LRFN4: variants seen among roughly 807,000 people sequenced by gnomAD.
The protein encoded by LRFN4 is leucine rich repeat and fibronectin type III domain containing 4.
LRFN4 carries 10 observed loss-of-function variants against 29.0 expected under a neutral mutation model. That is an observed-to-expected ratio of 0.35 (90% confidence interval 0.21 to 0.59). LRFN4 has a LOEUF of 0.59. LRFN4 is among the 20% of genes least tolerant of loss of function. LRFN4 has a pLI of 0.82. For missense variants in LRFN4, 850 were observed against 907.9 expected (o/e 0.94, Z 0.82); for synonymous variants, 493 against 437.0 (o/e 1.13, Z -1.60).
chr11:66,859,870 C>T lies in LRFN4; in HGVS notation c.1583C>T (p.Ala528Val). Reference protein sequence around the residue: ...LTVAVGGVLVAALLVFTVALL... With the variant: ...LTVAVGGVLVVALLVFTVALL... The stretch of plus-strand genomic sequence containing the variant: ...GTGGCCGTGGGGGGTGTGCTGGTGG[C>T]TGCCTTACTGGTCTTCACTGTGGCC... The change falls in exon 2 of 2, where the codon GCT becomes GTT. Residue 528 changes from alanine to valine, a missense_variant. Ala to Val is a moderately conservative substitution (Grantham distance 64). Transcript: ENST00000309602. 1 of 1,563,704 alleles carries T rather than the reference C, an allele frequency of 6.4e-7. No individual in the cohort carries two copies. The highest frequency in any genetic ancestry group is 8.7e-7 in the Non-Finnish European group (1 of 1,155,106).
In LRFN4 at chr11:66,858,291, G is replaced by T. The variant is rs560005995; in HGVS notation, c.547G>T (p.Ala183Ser). The T allele has an allele frequency of 6.2e-7, 1 of 1,611,366 alleles. No individual in the cohort carries two copies. Among genetic ancestry groups the T allele is most frequent in the Non-Finnish European group, 8.5e-7 (1 of 1,179,884 alleles). Residue 183 changes from alanine (A) to serine (S), a missense_variant, in exon 1 of 2, where the codon GCA becomes TCA. By Grantham distance (99) the Ala-to-Ser change is moderately conservative. This residue lies in a region of LRFN4 where 744 missense variants were observed against 753.8 expected (regional missense o/e 0.99). Transcript: ENST00000309602. The surrounding 1 kb of genome is among the most constrained non-coding windows in gnomAD (Gnocchi z 5.9). ...CAACCTGGACCATAACCTTATTGACGCACTGCCCCCAGGCGCCTTCGCCCA... is the reference window on the plus strand; with the variant it reads ...CAACCTGGACCATAACCTTATTGACTCACTGCCCCCAGGCGCCTTCGCCCA... ...TLNLDHNLID[A>S]LPPGAFAQLG...
In LRFN4 at chr11:66,859,036, C is replaced by G; in HGVS notation, c.1292C>G (p.Pro431Arg). 16 of 1,507,370 alleles carry G rather than the reference C, an allele frequency of 1.1e-5. No homozygotes were observed. Among genetic ancestry groups the G allele is most frequent in the Non-Finnish European group, 1.4e-5 (16 of 1,128,188 alleles). The allele number at this position is 1,507,370 out of a possible 1,614,324, so 93.4% of individuals were successfully genotyped here. The change falls in exon 1 of 2, where the codon CCA becomes CGA. Residue 431 changes from proline (P) to arginine (R), a missense_variant. By Grantham distance (103) the Pro-to-Arg change is moderately radical. Coordinates refer to ENST00000309602, the MANE Select transcript of LRFN4 (RefSeq NM_024036.5). ...TGGGGTCCCGGGCGGCCAGCCGACCCAGTGTGGATGTTCCAAATCCAGTAC... is the reference window on the plus strand; with the variant it reads ...TGGGGTCCCGGGCGGCCAGCCGACCGAGTGTGGATGTTCCAAATCCAGTAC... ...VSWGPGRPAD[P>R]VWMFQIQYNS...
In LRFN4 at chr11:66,858,204, T is replaced by C. The variant is rs1375061785; in HGVS notation, c.460T>C (p.Tyr154His). ...LESLEDLDLS[Y>H]NNLRQVPWAG... Reference sequence around the variant, plus strand: ...GAGCCTGGAGGACCTGGACCTGTCCTACAACAACCTCCGGCAGGTGCCCTG... The same window carrying C: ...GAGCCTGGAGGACCTGGACCTGTCCCACAACAACCTCCGGCAGGTGCCCTG... Residue 154 changes from tyrosine (Y) to histidine (H), a missense_variant, in exon 1 of 2, where the codon TAC (tyrosine) becomes CAC (histidine). Tyr to His is a moderately conservative substitution (Grantham distance 83). Around this residue, in one of 2 missense-constraint regions of LRFN4, gnomAD observed 744 missense variants for 753.8 expected, o/e 0.99. Coordinates refer to ENST00000309602, the MANE Select transcript of LRFN4 (RefSeq NM_024036.5). This position sits in a 1 kb window ranked among gnomAD's most constrained non-coding sequence, Gnocchi z 5.9. 1.2e-6 allele frequency: 2 copies of C among 1,612,446 alleles called. No homozygotes were observed. Among genetic ancestry groups the C allele is most frequent in the Admixed American group, 3.3e-5 (2 of 60,012 alleles).
At chr11:66,859,224 C>A in intron 1 of LRFN4, 131 bp downstream of exon 1, 1 of 1,233,122 alleles carries the variant, frequency 8.1e-7, no homozygotes, top group Non-Finnish European at 1.1e-6. Flanking sequence ...GGCTGCTGGA[C>A]TCTTGGAGGA....
intron 1 of LRFN4, among the ~76,000 whole-genome samples, chr11:66,859,391 G>A (rs1482580176): frequency 2.6e-5 from 4 of 152,152 alleles, no homozygotes; most frequent in East Asian, 1.9e-4. Context: ...GCCCGCGCCC[G>A]CGTGTTATTT....
Position 66,858,027 on chromosome 11 carries a change from C to T in LRFN4, c.283C>T (p.Leu95Phe). The T allele has an allele frequency of 6.2e-7, 1 of 1,611,950 alleles. No individual in the cohort carries two copies. Among genetic ancestry groups the T allele is most frequent in the Non-Finnish European group, 8.5e-7 (1 of 1,179,876 alleles). Reference sequence around the variant, plus strand: ...CATTGGGGCCCGCGCCTTTGGGGACCTCGAGAGCCTGCGTTCCCTCCACCT... The same window carrying T: ...CATTGGGGCCCGCGCCTTTGGGGACTTCGAGAGCCTGCGTTCCCTCCACCT... ...TRIGARAFGDLESLRSLHLDG... is the reference protein window; with the variant it reads ...TRIGARAFGDFESLRSLHLDG... Residue 95 changes from leucine to phenylalanine, a missense_variant, in exon 1 of 2, where the codon CTC (leucine) becomes TTC (phenylalanine). Physicochemically the swap from Leu to Phe is conservative, Grantham distance 22. Coordinates refer to ENST00000309602, the MANE Select transcript of LRFN4 (RefSeq NM_024036.5). The surrounding 1 kb of genome is among the most constrained non-coding windows in gnomAD (Gnocchi z 5.9).
At position 66,858,563 on chromosome 11, in the gene LRFN4, G is replaced by A. The variant is rs961419932; in HGVS notation, c.819G>A (p.Glu273=). The A allele has an allele frequency of 3.3e-6, 5 of 1,533,066 alleles. No homozygotes were observed. The highest frequency in any genetic ancestry group is 4.4e-6 in the Non-Finnish European group (5 of 1,144,406). The allele number at this position is 1,533,066 out of a possible 1,614,324, so 95.0% of individuals were successfully genotyped here. A position where few individuals can be genotyped will look rare whatever the true frequency, so the allele number is the denominator to read the frequency against. The change falls in exon 1 of 2, where the codon GAG becomes GAA. Residue 273 remains glutamate (E), a synonymous_variant. Transcript: ENST00000309602. This position sits in a 1 kb window ranked among gnomAD's most constrained non-coding sequence, Gnocchi z 5.9. The part of the protein sequence containing the change: ...LAGRYFWAVP[E]GEFSCEPPLI... ...GCCGCTACTTCTGGGCAGTGCCCGA[G>A]GGCGAGTTCTCCTGTGAGCCGCCCC...
chr11:66,859,430 C>T (rs1409462668), intron 1 of LRFN4, among the ~76,000 whole-genome samples: 1 of 152,222 alleles, frequency 6.6e-6, no homozygotes, highest in Non-Finnish European at 1.5e-5. Context: ...TCCCCCCACC[C>T]CATTCCCCTC....
chr11:66,858,679 T>G lies in LRFN4; in HGVS notation c.935T>G (p.Met312Arg). The G allele has an allele frequency of 6.5e-7, 1 of 1,546,246 alleles. No homozygotes were observed. The highest frequency in any genetic ancestry group is 8.7e-7 in the Non-Finnish European group (1 of 1,144,116). ...GCCCTGGGTGACCCCGCGCCTACCA[T>G]GCACTGGGTCGGTCCTGACGACCGG... ...CRALGDPAPT[M>R]HWVGPDDRLV... is the part of the protein sequence containing the mutation. Residue 312 changes from methionine (M) to arginine (R), a missense_variant, in exon 1 of 2, where the codon ATG (methionine) becomes AGG (arginine). Around this residue, in one of 2 missense-constraint regions of LRFN4, gnomAD observed 744 missense variants for 753.8 expected, o/e 0.99. Coordinates refer to ENST00000309602, the MANE Select transcript of LRFN4 (RefSeq NM_024036.5). This position sits in a 1 kb window ranked among gnomAD's most constrained non-coding sequence, Gnocchi z 5.9.
In LRFN4 at chr11:66,857,094, C is replaced by G. The variant is rs893298646; in HGVS notation, c.-651C>G. On this transcript the variant is annotated 5_prime_UTR_variant, in exon 1 of 2. Coordinates refer to ENST00000309602, the MANE Select transcript of LRFN4 (RefSeq NM_024036.5). This position sits in a 1 kb window ranked among gnomAD's most constrained non-coding sequence, Gnocchi z 7.1. ...CGCGCACCCGCTCGCCTGTCGCCGC[C>G]GCCACCGCTAACCGCGCCGGGAAAA... 6.8e-6 allele frequency: 1 copy of G among 147,550 alleles called. No homozygotes were observed. The allele number at this position is 147,550 out of a possible 1,614,324, so 9.1% of individuals were successfully genotyped here. A position where few individuals can be genotyped will look rare whatever the true frequency, so the allele number is the denominator to read the frequency against.
In LRFN4 at chr11:66,857,728, C is replaced by G; in HGVS notation, c.-17C>G. ...ACCTGTGCCTGGGCTGTGGCCCCTT[C>G]CTACAGGGCGCTCACCATGGCCCCG... is the stretch of plus-strand genomic sequence containing the variant. On this transcript the variant is annotated 5_prime_UTR_variant, in exon 1 of 2. Coordinates refer to ENST00000309602, the MANE Select transcript of LRFN4 (RefSeq NM_024036.5). This position sits in a 1 kb window ranked among gnomAD's most constrained non-coding sequence, Gnocchi z 7.1. 1 of 1,580,454 alleles carries G rather than the reference C, an allele frequency of 6.3e-7. No homozygotes were observed. Among genetic ancestry groups the G allele is most frequent in the Non-Finnish European group, 8.6e-7 (1 of 1,169,004 alleles).
Position 66,860,105 on chromosome 11 carries a change from A to G in LRFN4, c.1818A>G (p.Arg606=). The part of the protein sequence containing the change: ...YARRLGGAWA[R]RSHSVHGGLL... The stretch of plus-strand genomic sequence containing the variant: ...GGCGCCTGGGAGGAGCTTGGGCCCG[A>G]CGGAGCCACTCTGTGCATGGGGGGC... The change falls in exon 2 of 2, where the codon CGA becomes CGG. Residue 606 remains arginine, a synonymous_variant. Transcript: ENST00000309602. 1 of 1,551,566 alleles carries G rather than the reference A, an allele frequency of 6.4e-7. No homozygotes were observed. The highest frequency in any genetic ancestry group is 8.7e-7 in the Non-Finnish European group (1 of 1,147,990).
Position 66,857,756 on chromosome 11 carries a change from G to T in LRFN4, c.12G>T (p.Pro4=). 6.3e-7 allele frequency: 1 copy of T among 1,593,056 alleles called. No individual in the cohort carries two copies. MAP[P]LLLLLLASGA... ...ACAGGGCGCTCACCATGGCCCCGCC[G>T]CTCCTGCTGCTGCTGCTGGCCAGTG... The change falls in exon 1 of 2, where the codon CCG becomes CCT. Residue 4 remains proline (P), a synonymous_variant. Transcript: ENST00000309602. The surrounding 1 kb of genome is among the most constrained non-coding windows in gnomAD (Gnocchi z 7.1).
Position 66,857,687 on chromosome 11 carries a change from C to A in LRFN4, c.-58C>A. ...TGGGACTGTCCTGGGCCCAAGTGGG[C>A]ACCTGCGCCAGCCCCACCTGTGCCT... On this transcript the variant is annotated 5_prime_UTR_variant, in exon 1 of 2. Transcript: ENST00000309602. This position sits in a 1 kb window ranked among gnomAD's most constrained non-coding sequence, Gnocchi z 7.1. 1 of 1,522,416 alleles carries A rather than the reference C, an allele frequency of 6.6e-7. No homozygotes were observed. Among genetic ancestry groups the A allele is most frequent in the Non-Finnish European group, 8.8e-7 (1 of 1,138,278 alleles). The allele number at this position is 1,522,416 out of a possible 1,614,324, so 94.3% of individuals were successfully genotyped here.
At position 66,860,083 on chromosome 11, in the gene LRFN4, G is replaced by T. The variant is rs758583914; in HGVS notation, c.1796G>T (p.Arg599Leu). 2.4e-5 allele frequency: 37 copies of T among 1,555,980 alleles called. 1 individual carries two copies. In the South Asian group the frequency reaches 4.4e-4, roughly 18 times the overall value. The change falls in exon 2 of 2, where the codon CGC (arginine) becomes CTC (leucine). Residue 599 changes from arginine (R) to leucine (L), a missense_variant. Around this residue, in one of 2 missense-constraint regions of LRFN4, gnomAD observed 744 missense variants for 753.8 expected, o/e 0.99. Transcript: ENST00000309602. ...GCCGGGTGCTACGGTTATGCCAGGCGCCTGGGAGGAGCTTGGGCCCGACGG... is the reference window on the plus strand; with the variant it reads ...GCCGGGTGCTACGGTTATGCCAGGCTCCTGGGAGGAGCTTGGGCCCGACGG... Reference protein sequence around the residue: ...GDAGCYGYARRLGGAWARRSH... With the variant: ...GDAGCYGYARLLGGAWARRSH...
Position 66,859,829 on chromosome 11 carries a change from G to A in LRFN4, c.1542G>A (p.Leu514=). Reference sequence around the variant, plus strand: ...GCCACGCCCTGCAGGCCCACGTGCTGGGCGGGACCCTGACCGTGGCCGTGG... The same window carrying A: ...GCCACGCCCTGCAGGCCCACGTGCTAGGCGGGACCCTGACCGTGGCCGTGG... ...PLCHALQAHV[L]GGTLTVAVGG... The change falls in exon 2 of 2, where the codon CTG becomes CTA. Residue 514 remains leucine, a synonymous_variant. Coordinates refer to ENST00000309602, the MANE Select transcript of LRFN4 (RefSeq NM_024036.5). 1 of 1,576,204 alleles carries A rather than the reference G, an allele frequency of 6.3e-7. No individual in the cohort carries two copies. The highest frequency in any genetic ancestry group is 8.6e-7 in the Non-Finnish European group (1 of 1,160,362).
In LRFN4 at chr11:66,860,060, C is replaced by A; in HGVS notation, c.1773C>A (p.Ala591=). 6.4e-7 allele frequency: 1 copy of A among 1,566,266 alleles called. No homozygotes were observed. The change falls in exon 2 of 2, where the codon GCC becomes GCA. Residue 591 remains alanine (A), a synonymous_variant. Transcript: ENST00000309602. The stretch of plus-strand genomic sequence containing the variant: ...GCTGCTCTCTGGACCTGGGAGATGC[C>A]GGGTGCTACGGTTATGCCAGGCGCC... The part of the protein sequence containing the change: ...QRSCSLDLGD[A]GCYGYARRLG...
chr11:66,859,824 G>A lies in LRFN4; in HGVS notation c.1537G>A (p.Val513Met), dbSNP rs762935577. The A allele has an allele frequency of 5.7e-6, 9 of 1,579,930 alleles. No individual in the cohort carries two copies. Among genetic ancestry groups the A allele is most frequent in the South Asian group, 1.2e-5 (1 of 85,022 alleles). ...CCTGTGCCACGCCCTGCAGGCCCAC[G>A]TGCTGGGCGGGACCCTGACCGTGGC... ...SPLCHALQAH[V>M]LGGTLTVAVG... Residue 513 changes from valine to methionine, a missense_variant, in exon 2 of 2, where the codon GTG (valine) becomes ATG (methionine). Physicochemically the swap from Val to Met is conservative, Grantham distance 21. Transcript: ENST00000309602.
In LRFN4 at chr11:66,860,254, G is replaced by A. The variant is rs1385476911; in HGVS notation, c.*59G>A. On this transcript the variant is annotated 3_prime_UTR_variant, in exon 2 of 2. Transcript: ENST00000309602. ...GAGCCTCGTGGGGCAGAGGGCCCGG[G>A]GCCGCCGCCTGGCCTGGGAGTCCCT... The A allele has an allele frequency of 2.6e-6, 4 of 1,536,402 alleles. No homozygotes were observed. The highest frequency in any genetic ancestry group is 3.5e-6 in the Non-Finnish European group (4 of 1,145,940).
Sources: gnomAD v4.1 joint callset for allele counts (sites outside exome capture counted in the v4.1 genomes callset) on GRCh38, gnomAD v4.1.1 for gene constraint, gnomAD v4.1.1 regional missense constraint, Gnocchi (gnomAD v3.1) non-coding constraint, MANE v1.5 for transcripts, NCBI Gene and HGNC (gene_info 2026-07-23, HGNC 2026-07-21) for gene names.